The following PRPF8 variants were observed in gnomAD, a reference collection of about 807,000 sequenced individuals.
PRPF8 encodes the protein pre-mRNA processing factor 8, also known as pre-mRNA-processing-splicing factor 8.
In PRPF8, 64 loss-of-function variants were observed where a neutral mutation model predicts 285.9. The ratio of observed to expected loss-of-function variants is 0.22; its 90% CI spans 0.18 to 0.28. The LOEUF (loss-of-function observed/expected upper bound fraction) is 0.28, where lower values mean the gene tolerates loss of function less well. Among genes scored for constraint, PRPF8 ranks in the 10% least tolerant of loss-of-function variants. The pLI, the probability that PRPF8 is intolerant of heterozygous loss-of-function variation, is 1.00. For synonymous variants in PRPF8, 1,325 were observed against 1,118.2 expected (o/e 1.18, Z -3.69); for missense variants, 1,426 against 3,026.7 (o/e 0.47, Z 12.41).
intron 36 of PRPF8, 111 bp from the exon 37 acceptor site, chr17:1,655,654 T>C (rs935439810): frequency 2.2e-6 from 2 of 926,360 alleles, no homozygotes; most frequent in African/African-American, 1.6e-5. Flanking sequence ...TGAGACAGAG[T>C]CTTGCTCTGT....
In PRPF8 at chr17:1,679,362, G is replaced by A. The variant is rs776083827; in HGVS notation, c.1338C>T (p.Ser446=). The change falls in exon 10 of 43, where the codon TCC becomes TCT. Residue 446 remains serine, a synonymous_variant. Coordinates refer to ENST00000304992, the MANE Select transcript of PRPF8 (RefSeq NM_006445.4). This position sits in a 1 kb window ranked among gnomAD's most constrained non-coding sequence, Gnocchi z 4.7. ...CATAGTACTTAAGCAGCTTCTGGTA[G>A]GAGACCCTCACTTTCACAGGCTGCC... The part of the protein sequence containing the change: ...PAGQPVKVRV[S]YQKLLKYYVL... The A allele has an allele frequency of 5.0e-6, 8 of 1,613,892 alleles. No individual in the cohort carries two copies. Among genetic ancestry groups the A allele is most frequent in the Non-Finnish European group, 6.8e-6 (8 of 1,180,004 alleles).
Position 1,677,619 on chromosome 17 carries a change from T to C in PRPF8, c.1930A>G (p.Ile644Val), listed in dbSNP as rs1912672484. ...WRVWLFFMRG[I>V]TPLLERWLGN... is the part of the protein sequence containing the mutation. Reference sequence around the variant, plus strand: ...AGCCATCGCTCTAATAAAGGGGTAATGCCACGCATGAAAAAGAGCCAGACT... The same window carrying C: ...AGCCATCGCTCTAATAAAGGGGTAACGCCACGCATGAAAAAGAGCCAGACT... Residue 644 changes from isoleucine to valine, a missense_variant, in exon 14 of 43, where the codon ATT (isoleucine) becomes GTT (valine). Transcript: ENST00000304992. 1 of 1,613,828 alleles carries C rather than the reference T, an allele frequency of 6.2e-7. No homozygotes were observed. Among genetic ancestry groups the C allele is most frequent in the South Asian group, 1.1e-5 (1 of 91,068 alleles).
Position 1,673,378 on chromosome 17 carries a change from C to T in PRPF8, c.3636G>A (p.Gly1212=). The T allele has an allele frequency of 6.2e-7, 1 of 1,614,122 alleles. No individual in the cohort carries two copies. Among genetic ancestry groups the T allele is most frequent in the Middle Eastern group, 1.7e-4 (1 of 6,056 alleles). ...TSYEEFTHKD[G]VWNLQNEVTK... ...GTACCTCATTCTGCAGGTTCCAGAC[C>T]CCGTCCTTGTGGGTGAACTCCTCAT... The change falls in exon 23 of 43, where the codon GGG becomes GGA. Residue 1212 remains glycine, a synonymous_variant. Transcript: ENST00000304992. This position sits in a 1 kb window ranked among gnomAD's most constrained non-coding sequence, Gnocchi z 5.5.
chr17:1,683,454 G>C (rs1913049752), intron 3 of PRPF8, 79 bp downstream of exon 3: 2 of 1,482,712 alleles, frequency 1.3e-6, no homozygotes, highest in Admixed American at 1.7e-5. Context: ...AGCTGTCAAA[G>C]CATCAATCCA....
At position 1,679,539 on chromosome 17, in the gene PRPF8, G is replaced by A. The variant is rs1232714274; in HGVS notation, c.1289+70C>T. 4 of 1,597,284 alleles carry A rather than the reference G, an allele frequency of 2.5e-6. No homozygotes were observed. In the Admixed American group the frequency reaches 7.0e-5, roughly 28 times the overall value. The stretch of plus-strand genomic sequence containing the variant: ...AAAGAATTTAAAAAAAAGGCTACAT[G>A]CCCACCTAGTTGGAGTCTTTTCTCC... On this transcript the variant is annotated intron_variant, in intron 9 of 42. Transcript: ENST00000304992. This position sits in a 1 kb window ranked among gnomAD's most constrained non-coding sequence, Gnocchi z 4.7.
In PRPF8 at chr17:1,682,064, A is replaced by C. The variant is rs775303971; in HGVS notation, c.435-26T>G. 14 of 1,613,044 alleles carry C rather than the reference A, an allele frequency of 8.7e-6. No individual in the cohort carries two copies. The African/African-American group carries it at 1.7e-4, about 20-fold the overall frequency. On this transcript the variant is annotated intron_variant, in intron 4 of 42. Coordinates refer to ENST00000304992, the MANE Select transcript of PRPF8 (RefSeq NM_006445.4). The stretch of plus-strand genomic sequence containing the variant: ...CTGGAAGGCAAGACATCACACAACC[A>C]TTTCTACCCACTGCCTCCCAACCAC...
intron 24 of PRPF8, among the ~76,000 whole-genome samples, chr17:1,669,429 C>T (rs1230166388): frequency 6.6e-6 from 1 of 152,124 alleles, no homozygotes; most frequent in East Asian, 1.9e-4. Context: ...CTCTTGTACA[C>T]TCAACTGCTA....
intron 24 of PRPF8, among the ~76,000 whole-genome samples, chr17:1,670,799 T>C (rs948637118): frequency 3.3e-5 from 5 of 152,158 alleles, no homozygotes; most frequent in African/African-American, 1.2e-4. Flanking sequence ...CTCTCATCAT[T>C]TTTATCTGGA....
chr17:1,663,773 T>C (rs551138752), intron 24 of PRPF8, among the ~76,000 whole-genome samples: 40 of 142,132 alleles, frequency 2.8e-4, no homozygotes, highest in African/African-American at 9.4e-4. Flanking sequence ...GGAAATAAAC[T>C]TTAGTTACAA....
At chr17:1,672,982 AGAG>A (rs1912407430) in intron 24 of PRPF8, 96 bp downstream of exon 24, 1 of 1,106,334 alleles carries the variant, frequency 9.0e-7, no homozygotes, top group African/African-American at 1.5e-5. Context: ...TAAGCAAAGA[AGAG>A]AAGGAAGCAG....
At chr17:1,674,327 A>G in intron 21 of PRPF8, 115 bp downstream of exon 21, 2 of 1,126,160 alleles carry the variant, frequency 1.8e-6, no homozygotes, top group Non-Finnish European at 2.7e-6. Flanking sequence ...CGGCCGCTTC[A>G]TTCCATTTTA....
At chr17:1,654,420 G>C (rs77942513) in intron 37 of PRPF8, 6,034 of 315,496 alleles carry the variant, frequency 0.019, 71 homozygotes, top group Non-Finnish European at 0.025. Flanking sequence ...GGGGAGGAAG[G>C]TGTGTGTGTG....
intron 24 of PRPF8, among the ~76,000 whole-genome samples, chr17:1,672,565 G>A (rs1294378554): frequency 6.6e-6 from 1 of 152,214 alleles, no homozygotes; most frequent in Non-Finnish European, 1.5e-5. Context: ...TTACAGGCGT[G>A]AGCCACCGTG....
chr17:1,677,799 G>C, intron 13 of PRPF8, 105 bp from the exon 14 acceptor site: 2 of 1,443,312 alleles, frequency 1.4e-6, no homozygotes, highest in Admixed American at 3.4e-5. Flanking sequence ...ACATACAGAG[G>C]AATGTAGGTA....
chr17:1,659,978 T>G lies in PRPF8; in HGVS notation c.4809A>C (p.Ala1603=). ...CCTTTTGTACTGTCTCAATTTCCAGTGCATCAAGTTCCTGGTCAAACACCT... is the reference window on the plus strand; with the variant it reads ...CCTTTTGTACTGTCTCAATTTCCAGGGCATCAAGTTCCTGGTCAAACACCT... ...LCQVFDQELD[A]LEIETVQKET... is the part of the protein sequence containing the mutation. Residue 1603 remains alanine (A), a synonymous_variant, in exon 31 of 43, where the codon GCA becomes GCC. Transcript: ENST00000304992. This position sits in a 1 kb window ranked among gnomAD's most constrained non-coding sequence, Gnocchi z 5.1. The G allele has an allele frequency of 6.2e-7, 1 of 1,614,146 alleles. No individual in the cohort carries two copies. Among genetic ancestry groups the G allele is most frequent in the Non-Finnish European group, 8.5e-7 (1 of 1,179,992 alleles).
rs1912578537 is a variant in PRPF8, at chr17:1,675,857, C to T, written c.2680-45G>A. The T allele has an allele frequency of 8.1e-6, 13 of 1,606,062 alleles. No individual in the cohort carries two copies. Among genetic ancestry groups the T allele is most frequent in the Non-Finnish European group, 1.1e-5 (13 of 1,178,654 alleles). Reference sequence around the variant, plus strand: ...GTTCACACCAATCCACCAACTGCTACCTTTGGTAGAACCAAAGGCAACTGC... The same window carrying T: ...GTTCACACCAATCCACCAACTGCTATCTTTGGTAGAACCAAAGGCAACTGC... On this transcript the variant is annotated intron_variant, in intron 18 of 42. Coordinates refer to ENST00000304992, the MANE Select transcript of PRPF8 (RefSeq NM_006445.4). The surrounding 1 kb of genome is among the most constrained non-coding windows in gnomAD (Gnocchi z 6.0).
chr17:1,661,540 C>A lies in PRPF8; in HGVS notation c.4202+71G>T, dbSNP rs1911677433. On this transcript the variant is annotated intron_variant, in intron 26 of 42. Transcript: ENST00000304992. The surrounding 1 kb of genome is among the most constrained non-coding windows in gnomAD (Gnocchi z 7.3). ...CATACAACCATGGCATGCTCTGACCCTGAACTCCACACGGTTCAAAGGCCA... is the reference window on the plus strand; with the variant it reads ...CATACAACCATGGCATGCTCTGACCATGAACTCCACACGGTTCAAAGGCCA... 3 of 1,609,778 alleles carry A rather than the reference C, an allele frequency of 1.9e-6. No individual in the cohort carries two copies. In the Admixed American group the frequency reaches 5.0e-5, roughly 27 times the overall value.
Position 1,681,596 on chromosome 17 carries a change from C to T in PRPF8, c.748G>A (p.Val250Met), listed in dbSNP as rs1912928230. 1.4e-5 allele frequency: 22 copies of T among 1,614,010 alleles called. No homozygotes were observed. The highest frequency in any genetic ancestry group is 1.9e-5 in the Non-Finnish European group (22 of 1,179,906). ...RLANQLLTDL[V>M]DDNYFYLFDL... The stretch of plus-strand genomic sequence containing the variant: ...AACAGGTAGAAGTAGTTGTCATCCA[C>T]CAAGTCTGTCAGGAGCTGATTAGCC... Residue 250 changes from valine (V) to methionine (M), a missense_variant, in exon 6 of 43, where the codon GTG becomes ATG. Val to Met is a conservative substitution (Grantham distance 21). Around this residue, in one of 34 missense-constraint regions of PRPF8, gnomAD observed 157 missense variants for 159.6 expected, o/e 0.98. Coordinates refer to ENST00000304992, the MANE Select transcript of PRPF8 (RefSeq NM_006445.4).
Position 1,663,435 on chromosome 17 carries a change from G to A in PRPF8, c.3775-1282C>T, listed in dbSNP as rs143246590. Reference sequence around the variant, plus strand: ...CAAATTGGATTTAAATAAAAAGGCCGGGCATGGTGGCTCACACCTGTAATC... The same window carrying A: ...CAAATTGGATTTAAATAAAAAGGCCAGGCATGGTGGCTCACACCTGTAATC... On this transcript the variant is annotated intron_variant, in intron 24 of 42. Transcript: ENST00000304992. Among the ~76,000 whole-genome samples the A allele has an allele frequency of 3.6e-3, 547 of 152,044 alleles. 13 individuals carry two copies. Among genetic ancestry groups the A allele is most frequent in the Non-Finnish European group, 7.8e-4 (53 of 67,988 alleles).
Sources: allele counts gnomAD v4.1 joint callset (sites outside exome capture counted in the v4.1 genomes callset), GRCh38; gene constraint gnomAD v4.1.1; regional missense constraint gnomAD v4.1.1; non-coding constraint Gnocchi (gnomAD v3.1); transcripts MANE v1.5; gene names NCBI Gene and HGNC (gene_info 2026-07-23, HGNC 2026-07-21).